The following PPP2R1B variants were observed in gnomAD, a reference collection of about 807,000 sequenced individuals.
The protein encoded by PPP2R1B is protein phosphatase 2 scaffold subunit Abeta, also known as serine/threonine-protein phosphatase 2A 65 kDa regulatory subunit A beta isoform.
A neutral mutation model predicts 72.7 loss-of-function variants in PPP2R1B; 58 were observed. That is an observed-to-expected ratio of 0.80 (90% CI 0.65 to 0.99). The LOEUF (loss-of-function observed/expected upper bound fraction) is 0.99. Among genes scored for constraint, PPP2R1B ranks in the 50% least tolerant of loss-of-function variants. PPP2R1B has a pLI of 0.00. For missense variants in PPP2R1B, 695 were observed against 733.6 expected, an observed-to-expected ratio of 0.95 and a Z score of 0.61; for synonymous variants, 256 against 264.6, an observed-to-expected ratio of 0.97 and a Z score of 0.32.
the PPP2R1B span, among the ~76,000 whole-genome samples, chr11:111,718,518 C>G: frequency 6.6e-6 from 1 of 152,212 alleles, no homozygotes; most frequent in Admixed American, 6.5e-5. Context: ...CCACCTTACC[C>G]GAGTGAGGGC....
chr11:111,763,168 C>A (rs1321799388), intron 3 of PPP2R1B, among the ~76,000 whole-genome samples: 1 of 152,132 alleles, frequency 6.6e-6, no homozygotes, highest in Non-Finnish European at 1.5e-5. Flanking sequence ...AAGGAGCCAG[C>A]CACAGAAAGC....
chr11:111,736,169 A>C (rs2136023556), downstream of PPP2R1B, among the ~76,000 whole-genome samples: 1 of 152,174 alleles, frequency 6.6e-6, no homozygotes, highest in South Asian at 2.1e-4. Context: ...GGATGACATG[A>C]GATTTGAAGT....
chr11:111,738,139 GA>G lies in PPP2R1B; in HGVS notation c.*3456del. On this transcript the variant is annotated 3_prime_UTR_variant, in exon 15 of 15. Transcript: ENST00000527614. Reference sequence around the variant, plus strand: ...ACTGGATGGAAACAGGAATACTGGAGAATCAAAGGGAAACAGTTACATCACA... The same window carrying G: ...ACTGGATGGAAACAGGAATACTGGAGATCAAAGGGAAACAGTTACATCACA... 1 of 987,502 alleles carries G rather than the reference GA, an allele frequency of 1.0e-6. No homozygotes were observed. The highest frequency in any genetic ancestry group is 1.2e-6 in the Non-Finnish European group (1 of 831,158). The allele number at this position is 987,502 out of a possible 1,614,324, so 61.2% of individuals were successfully genotyped here.
chr11:111,736,003 G>A (rs1200626728), downstream of PPP2R1B, among the ~76,000 whole-genome samples: 1 of 152,146 alleles, frequency 6.6e-6, no homozygotes, highest in Non-Finnish European at 1.5e-5. Context: ...TGGGGCGGGG[G>A]ATTTTTCTGA....
intron 10 of PPP2R1B, among the ~76,000 whole-genome samples, chr11:111,751,891 C>T (rs782779307): frequency 3.9e-5 from 6 of 152,164 alleles, no homozygotes; most frequent in Non-Finnish European, 4.4e-5. Context: ...ACAGGAGAAT[C>T]GCTTAAACCC....
chr11:111,745,888 T>C (rs1157591733), intron 11 of PPP2R1B, among the ~76,000 whole-genome samples: 2 of 152,220 alleles, frequency 1.3e-5, no homozygotes, highest in Non-Finnish European at 2.9e-5. Context: ...ATAACACTTA[T>C]CTGAAATGCA....
At chr11:111,762,276 T>C (rs1233773863) in intron 3 of PPP2R1B, among the ~76,000 whole-genome samples, 1 of 152,336 alleles carries the variant, frequency 6.6e-6, no homozygotes, top group Middle Eastern at 3.4e-3. Flanking sequence ...TAAAAATTGT[T>C]TGATACACAC....
At chr11:111,723,053 G>A (rs1216966677), downstream of PPP2R1B, among the ~76,000 whole-genome samples, 1 of 152,154 alleles carries the variant, frequency 6.6e-6, no homozygotes, top group Non-Finnish European at 1.5e-5. Flanking sequence ...TATGGAGGTG[G>A]GGTAGGCGGC....
At chr11:111,751,487 A>G (rs1424070226) in intron 10 of PPP2R1B, among the ~76,000 whole-genome samples, 1 of 152,054 alleles carries the variant, frequency 6.6e-6, no homozygotes, top group East Asian at 1.9e-4. Context: ...AAAATCCAAA[A>G]CTTTTTGAGC....
chr11:111,701,427 G>C, the PPP2R1B span: 1 of 1,605,032 alleles, frequency 6.2e-7, no homozygotes, highest in Non-Finnish European at 8.5e-7. This position sits in a 1 kb window ranked among gnomAD's most constrained non-coding sequence, Gnocchi z 4.2. Flanking sequence ...TGGTAGAAAA[G>C]TCTCTGCATT....
At chr11:111,728,923 CAA>C (rs753877747) in intron 15 of PPP2R1B, 26 of 91,020 alleles carry the variant, frequency 2.9e-4, no homozygotes, top group East Asian at 3.6e-4. Flanking sequence ...GACTCCACCT[CAA>C]AAAAAAAAAA....
At chr11:111,721,506 T>A in the PPP2R1B span, among the ~76,000 whole-genome samples, 8 of 152,228 alleles carry the variant, frequency 5.3e-5, no homozygotes, top group Non-Finnish European at 1.0e-4. Flanking sequence ...ATACTGCTAC[T>A]TACCTGATTT....
the PPP2R1B span, among the ~76,000 whole-genome samples, chr11:111,694,278 T>C: frequency 6.6e-6 from 1 of 152,352 alleles, no homozygotes; most frequent in East Asian, 1.9e-4. Flanking sequence ...ACAAACCTTT[T>C]AGGACCAAGG....
chr11:111,720,417 A>G, the PPP2R1B span: 4 of 1,483,206 alleles, frequency 2.7e-6, no homozygotes, highest in South Asian at 4.0e-5. Flanking sequence ...TATGCTTTGT[A>G]CCCTATGTTC....
chr11:111,723,623 C>T, downstream of PPP2R1B: 2 of 1,614,174 alleles, frequency 1.2e-6, no homozygotes, highest in Non-Finnish European at 1.7e-6. Flanking sequence ...CCAGGAGACT[C>T]CACCGCCTTC....
downstream of PPP2R1B, chr11:111,726,864 G>A (rs886779715): frequency 1.3e-5 from 14 of 1,053,736 alleles, no homozygotes; most frequent in Admixed American, 4.0e-5. Flanking sequence ...CTCCTCTGAA[G>A]AGACTTTGGT....
At chr11:111,719,354 C>A in the PPP2R1B span, among the ~76,000 whole-genome samples, 1 of 75,556 alleles carries the variant, frequency 1.3e-5, no homozygotes, top group Non-Finnish European at 2.5e-5. Context: ...TGGTGACTAC[C>A]CCTTTTTTTT....
At chr11:111,750,733 A>T (rs1555047591) in intron 10 of PPP2R1B, among the ~76,000 whole-genome samples, 1 of 152,210 alleles carries the variant, frequency 6.6e-6, no homozygotes, top group African/African-American at 2.4e-5. Flanking sequence ...CTAACATGGT[A>T]TTAGTTAGGG....
chr11:111,701,242 A>G, the PPP2R1B span, among the ~76,000 whole-genome samples: 2 of 152,214 alleles, frequency 1.3e-5, no homozygotes, highest in Admixed American at 6.5e-5. The surrounding 1 kb of genome is among the most constrained non-coding windows in gnomAD (Gnocchi z 4.2). Flanking sequence ...GTAGTAATCA[A>G]AATTATCAGA....
Sources: allele counts gnomAD v4.1 joint callset (sites outside exome capture counted in the v4.1 genomes callset), GRCh38; gene constraint gnomAD v4.1.1; non-coding constraint Gnocchi (gnomAD v3.1); transcripts MANE v1.5; gene names NCBI Gene and HGNC (gene_info 2026-07-23, HGNC 2026-07-21).